The following QTMAN variants were observed in gnomAD, a reference collection of about 807,000 sequenced individuals.
QTMAN encodes the protein tRNA-queuosine alpha-mannosyltransferase.
chr2:143,962,416 G>C, the QTMAN span, among the ~76,000 whole-genome samples: 667 of 152,180 alleles, frequency 4.4e-3, 2 homozygotes, highest in Non-Finnish European at 6.7e-3. Flanking sequence ...TGAGGAACTA[G>C]CCTAGGGTGA....
At chr2:144,037,248 A>G in the QTMAN span, among the ~76,000 whole-genome samples, 35 of 152,368 alleles carry the variant, frequency 2.3e-4, no homozygotes, top group South Asian at 8.3e-4. Context: ...AATGAACTAA[A>G]CACCACTGAA....
chr2:144,303,920 G>C, the QTMAN span, among the ~76,000 whole-genome samples: 21 of 152,212 alleles, frequency 1.4e-4, no homozygotes, highest in African/African-American at 4.6e-4. Context: ...TGAATCGCGG[G>C]AACAGATATC....
the QTMAN span, among the ~76,000 whole-genome samples, chr2:144,168,499 GA>G: frequency 6.6e-6 from 1 of 152,122 alleles, no homozygotes. Context: ...TAATCCGGTA[GA>G]GGGGGGTTAA....
chr2:143,997,979 C>T, the QTMAN span, among the ~76,000 whole-genome samples: 19 of 152,060 alleles, frequency 1.2e-4, no homozygotes, highest in East Asian at 3.1e-3. Context: ...AGCAGGTATG[C>T]GGTATATCAA....
the QTMAN span, among the ~76,000 whole-genome samples, chr2:144,180,727 T>G: frequency 3.0e-3 from 460 of 152,314 alleles, 2 homozygotes; most frequent in African/African-American, 0.01. Context: ...CATTGGCCAA[T>G]GACTAGTATG....
At chr2:144,147,112 A>G in the QTMAN span, among the ~76,000 whole-genome samples, 6 of 151,902 alleles carry the variant, frequency 3.9e-5, no homozygotes, top group African/African-American at 1.4e-4. Context: ...AGCCTTTCAC[A>G]TAAGAAGGAT....
the QTMAN span, among the ~76,000 whole-genome samples, chr2:144,163,013 A>G: frequency 6.6e-6 from 1 of 152,246 alleles, no homozygotes; most frequent in Non-Finnish European, 1.5e-5. Flanking sequence ...CTTGGTAGAG[A>G]CTACAAAACA....
At chr2:144,311,046 A>G in the QTMAN span, among the ~76,000 whole-genome samples, 1 of 152,224 alleles carries the variant, frequency 6.6e-6, no homozygotes, top group African/African-American at 2.4e-5. Context: ...TCTGATTTAC[A>G]TAAATCCATA....
At chr2:144,161,414 A>T in the QTMAN span, among the ~76,000 whole-genome samples, 2 of 152,226 alleles carry the variant, frequency 1.3e-5, no homozygotes, top group Non-Finnish European at 2.9e-5. Context: ...AGAGAGGAAA[A>T]GAACAGCATA....
chr2:144,163,193 A>G, the QTMAN span, among the ~76,000 whole-genome samples: 2 of 152,112 alleles, frequency 1.3e-5, no homozygotes, highest in Non-Finnish European at 2.9e-5. Context: ...GGAAAAGACC[A>G]TAAGGAAGTA....
At chr2:144,165,297 G>A in the QTMAN span, among the ~76,000 whole-genome samples, 1 of 151,984 alleles carries the variant, frequency 6.6e-6, no homozygotes, top group Non-Finnish European at 1.5e-5. Flanking sequence ...TTGAACCCAG[G>A]AGGCAGAGGT....
chr2:144,280,305 G>T, the QTMAN span, among the ~76,000 whole-genome samples: 2 of 152,120 alleles, frequency 1.3e-5, no homozygotes, highest in Admixed American at 1.3e-4. Context: ...TACAGAAATA[G>T]AAGCTTGTGT....
the QTMAN span, among the ~76,000 whole-genome samples, chr2:144,020,246 T>TGCCTAAATGCTGCATTTCCC: frequency 6.6e-6 from 1 of 152,150 alleles, no homozygotes; most frequent in East Asian, 1.9e-4. Flanking sequence ...AGGCATTTCC[T>TGCCTAAATGCTGCATTTCCC]GCCTAAATGC....
chr2:144,312,170 G>A, the QTMAN span, among the ~76,000 whole-genome samples: 2 of 151,690 alleles, frequency 1.3e-5, no homozygotes, highest in African/African-American at 4.8e-5. Context: ...CCCTATTGTG[G>A]GAGTTACATT....
chr2:143,947,106 G>A, the QTMAN span: 6 of 1,613,924 alleles, frequency 3.7e-6, no homozygotes, highest in Middle Eastern at 1.7e-4. Context: ...TACCATGTAG[G>A]GCTGCCCAAG....
chr2:144,056,605 G>T, the QTMAN span, among the ~76,000 whole-genome samples: 1 of 152,166 alleles, frequency 6.6e-6, no homozygotes, highest in Non-Finnish European at 1.5e-5. Context: ...CAGGGCATGG[G>T]ATACAGTAAA....
chr2:143,950,638 A>G, the QTMAN span, among the ~76,000 whole-genome samples: 41 of 151,826 alleles, frequency 2.7e-4, no homozygotes, highest in Admixed American at 2.0e-3. Flanking sequence ...ATATATAAAA[A>G]ATTAATTCAT....
the QTMAN span, among the ~76,000 whole-genome samples, chr2:143,970,201 T>C: frequency 1.3e-5 from 2 of 152,194 alleles, no homozygotes. Context: ...CAACGACAAC[T>C]ATGACATGGA....
At chr2:144,019,342 A>G in the QTMAN span, among the ~76,000 whole-genome samples, 1 of 152,132 alleles carries the variant, frequency 6.6e-6, no homozygotes, top group Non-Finnish European at 1.5e-5. Context: ...TGCAATGGAA[A>G]AGAATGTGAA....
Sources: allele counts gnomAD v4.1 joint callset (sites outside exome capture counted in the v4.1 genomes callset), GRCh38; gene constraint gnomAD v4.1.1; transcripts MANE v1.5; gene names NCBI Gene and HGNC (gene_info 2026-07-23, HGNC 2026-07-21).